MAD1L1: variants seen among roughly 807,000 people sequenced by gnomAD.
MAD1L1 encodes the protein mitotic spindle assembly checkpoint protein MAD1.
MAD1L1 carries 95 observed loss-of-function variants against 96.9 expected under a neutral mutation model. The ratio of observed to expected loss-of-function variants is 0.98; its 90% CI spans 0.83 to 1.16. MAD1L1 has a LOEUF of 1.16. Ranked by LOEUF, MAD1L1 falls within the 50% of genes most tolerant of loss-of-function variation. The pLI, the probability that MAD1L1 is intolerant of heterozygous loss-of-function variation, is 0.00. For missense variants in MAD1L1, 1,007 were observed against 954.4 expected (o/e 1.06, Z -0.73); for synonymous variants, 473 against 396.6 (o/e 1.19, Z -2.29).
chr7:1,828,274 G>C lies in MAD1L1; in HGVS notation c.1999-12046C>G, dbSNP rs1168007572. On this transcript the variant is annotated intron_variant, in intron 18 of 18. Coordinates refer to ENST00000265854, the MANE Select transcript of MAD1L1 (RefSeq NM_001013836.2). ...AGGGTGGCGGGCCCTGAGAGACGGG[G>C]CGAGCCTGGGGAGACAGTCACAGCC... 2.0e-5 allele frequency among the ~76,000 whole-genome samples: 3 copies of C among 152,208 alleles called. No homozygotes were observed. In the South Asian group the frequency reaches 6.2e-4, roughly 32 times the overall value.
chr7:2,141,061 C>T (rs543775301), intron 11 of MAD1L1, among the ~76,000 whole-genome samples: 16 of 152,358 alleles, frequency 1.1e-4, no homozygotes, highest in African/African-American at 2.6e-4. Flanking sequence ...AAGCAGCAGG[C>T]GGAGGCACCC....
intron 12 of MAD1L1, among the ~76,000 whole-genome samples, chr7:2,047,110 C>T (rs1176471931): frequency 1.3e-5 from 2 of 152,208 alleles, no homozygotes; most frequent in African/African-American, 4.8e-5. Flanking sequence ...CTAAGGCCCT[C>T]CCTTCCCAGA....
intron 12 of MAD1L1, among the ~76,000 whole-genome samples, chr7:2,018,888 G>A (rs1037899944): frequency 1.3e-5 from 2 of 151,808 alleles, no homozygotes; most frequent in Non-Finnish European, 2.9e-5. Flanking sequence ...CTGCACATGC[G>A]ACATTCTCTG....
At chr7:2,053,201 G>A (rs1020518641) in intron 12 of MAD1L1, among the ~76,000 whole-genome samples, 31 of 152,150 alleles carry the variant, frequency 2.0e-4, no homozygotes, top group Admixed American at 1.8e-3. Context: ...CAGAAGCCTC[G>A]GGATCTGCTA....
At chr7:1,924,596 G>C (rs955999472) in intron 17 of MAD1L1, among the ~76,000 whole-genome samples, 1 of 152,202 alleles carries the variant, frequency 6.6e-6, no homozygotes, top group Non-Finnish European at 1.5e-5. Flanking sequence ...AACGCTGAGA[G>C]AACCTACTCT....
At chr7:1,955,867 G>A (rs939936) in intron 16 of MAD1L1, among the ~76,000 whole-genome samples, 130,709 of 151,970 alleles carry the variant, frequency 0.86, 57,535 homozygotes, top group Non-Finnish European at 0.96. Context: ...TATTTGACTT[G>A]TGACCTAAGT....
intron 13 of MAD1L1, among the ~76,000 whole-genome samples, chr7:2,011,467 A>G (rs1303688591): frequency 1.3e-5 from 2 of 152,154 alleles, no homozygotes; most frequent in African/African-American, 4.8e-5. Flanking sequence ...GGGAGCCCCC[A>G]GCAGATGCTC....
chr7:2,011,344 T>C (rs763879324), intron 13 of MAD1L1, among the ~76,000 whole-genome samples: 29 of 152,166 alleles, frequency 1.9e-4, no homozygotes, highest in Non-Finnish European at 3.5e-4. Context: ...CGCCCCAACC[T>C]TCCCTGGAGC....
rs115688989 is a variant in MAD1L1, at chr7:1,851,452, G to A, written c.1999-35224C>T. Among the ~76,000 whole-genome samples, 642 of 152,276 alleles carry A rather than the reference G, an allele frequency of 4.2e-3. 7 individuals are homozygous for A. Among genetic ancestry groups the A allele is most frequent in the African/African-American group, 0.014 (600 of 41,554 alleles). ...CGTGCCATCCTCGTGGATGAGAGGC[G>A]TCCCCAGCAGTGCCCAGGAAGCCCC... On this transcript the variant is annotated intron_variant, in intron 18 of 18. Coordinates refer to ENST00000265854, the MANE Select transcript of MAD1L1 (RefSeq NM_001013836.2).
At chr7:1,855,556 C>T (rs1784206594) in intron 18 of MAD1L1, among the ~76,000 whole-genome samples, 1 of 152,122 alleles carries the variant, frequency 6.6e-6, no homozygotes, top group South Asian at 2.1e-4. Context: ...CAGCCCAGCC[C>T]AGCCCAGCTC....
At chr7:1,976,270 G>A (rs1780632897) in intron 15 of MAD1L1, among the ~76,000 whole-genome samples, 1 of 152,248 alleles carries the variant, frequency 6.6e-6, no homozygotes, top group African/African-American at 2.4e-5. Context: ...GACCCTCATG[G>A]TGAGTGTTAC....
At chr7:1,820,157 G>A (rs769428835) in intron 18 of MAD1L1, among the ~76,000 whole-genome samples, 31 of 152,078 alleles carry the variant, frequency 2.0e-4, no homozygotes, top group Non-Finnish European at 3.5e-4. Flanking sequence ...TAAGTGCCTG[G>A]AAATTAAACA....
chr7:1,855,457 C>A (rs1784201170), intron 18 of MAD1L1, among the ~76,000 whole-genome samples: 1 of 152,064 alleles, frequency 6.6e-6, no homozygotes. Context: ...GGAAAGGCTG[C>A]ACCTCAACGC....
At chr7:2,225,899 A>G (rs911904322) in intron 3 of MAD1L1, among the ~76,000 whole-genome samples, 2 of 152,194 alleles carry the variant, frequency 1.3e-5, no homozygotes, top group African/African-American at 4.8e-5. Context: ...CCAGACTAAA[A>G]ATCAATGCAG....
Position 1,815,962 on chromosome 7 carries a change from T to C in MAD1L1, c.*108A>G. On this transcript the variant is annotated 3_prime_UTR_variant, in exon 19 of 19. Coordinates refer to ENST00000265854, the MANE Select transcript of MAD1L1 (RefSeq NM_001013836.2). Reference sequence around the variant, plus strand: ...GTGTCTGTCAGTCATGCTGCTGCCCTGTGGGGCTGGAGAGGCAGGACGTGC... The same window carrying C: ...GTGTCTGTCAGTCATGCTGCTGCCCCGTGGGGCTGGAGAGGCAGGACGTGC... 1 of 1,291,088 alleles carries C rather than the reference T, an allele frequency of 7.7e-7. No homozygotes were observed. Among genetic ancestry groups the C allele is most frequent in the Non-Finnish European group, 1.0e-6 (1 of 954,986 alleles). The allele number at this position is 1,291,088 out of a possible 1,614,324, so 80.0% of individuals were successfully genotyped here. A position where few individuals can be genotyped will look rare whatever the true frequency, so the allele number is the denominator to read the frequency against.
intron 18 of MAD1L1, among the ~76,000 whole-genome samples, chr7:1,886,645 G>A (rs536508490): frequency 1.2e-4 from 18 of 152,350 alleles, no homozygotes; most frequent in African/African-American, 3.6e-4. Flanking sequence ...AGGACAGCAG[G>A]GGTCAGCAGG....
intron 15 of MAD1L1, among the ~76,000 whole-genome samples, chr7:1,969,770 A>C (rs1240326991): frequency 2.6e-5 from 4 of 152,268 alleles, no homozygotes; most frequent in African/African-American, 9.6e-5. Context: ...CATTCATAAC[A>C]GCATCAAAAA....
At chr7:2,010,193 G>A (rs905855247) in intron 13 of MAD1L1, among the ~76,000 whole-genome samples, 16 of 147,146 alleles carry the variant, frequency 1.1e-4, no homozygotes, top group African/African-American at 3.3e-4. Flanking sequence ...TGAACAACCC[G>A]AGGCCCTGAA....
At chr7:2,025,061 G>C (rs747450251) in intron 12 of MAD1L1, among the ~76,000 whole-genome samples, 3 of 152,148 alleles carry the variant, frequency 2.0e-5, no homozygotes, top group Non-Finnish European at 4.4e-5. Context: ...TGTCAGTACT[G>C]GTTCATGAAC....
Sources: allele counts gnomAD v4.1 joint callset (sites outside exome capture counted in the v4.1 genomes callset), GRCh38; gene constraint gnomAD v4.1.1; transcripts MANE v1.5; gene names NCBI Gene and HGNC (gene_info 2026-07-23, HGNC 2026-07-21).